The following FBXO39 variants were observed in gnomAD, a reference collection of about 807,000 sequenced individuals.
FBXO39 encodes F-box protein 39.
A neutral mutation model predicts 36.6 loss-of-function variants in FBXO39; 22 were observed. The observed-to-expected ratio is 0.60, with a 90% CI of 0.43 to 0.86. The LOEUF (loss-of-function observed/expected upper bound fraction) is 0.86. FBXO39 is among the 40% of genes least tolerant of loss of function. The pLI is 0.00. For synonymous variants in FBXO39, 206 were observed against 205.8 expected (o/e 1.00, Z -0.01); for missense variants, 536 against 543.9 (o/e 0.99, Z 0.14).
intron 2 of FBXO39, among the ~76,000 whole-genome samples, chr17:6,781,456 G>T (rs919772242): frequency 6.6e-6 from 1 of 152,188 alleles, no homozygotes; most frequent in South Asian, 2.1e-4. Flanking sequence ...GGATCATTTT[G>T]TCTTTCCAAG....
In FBXO39 at chr17:6,780,622, C is replaced by A; in HGVS notation, c.754C>A (p.Arg252=). ...CTTGTGTGAGAATGCCAGCACCCTC[C>A]GGACCATCAACATCAAATGCCACGT... ...ENLCENASTL[R]TINIKCHVHD... is the part of the protein sequence containing the mutation. The change falls in exon 2 of 4, where the codon CGG becomes AGG. Residue 252 remains arginine (R), a synonymous_variant. Coordinates refer to ENST00000321535, the MANE Select transcript of FBXO39 (RefSeq NM_153230.3). 6.2e-7 allele frequency: 1 copy of A among 1,614,064 alleles called. No individual in the cohort carries two copies. The highest frequency in any genetic ancestry group is 8.5e-7 in the Non-Finnish European group (1 of 1,180,024).
rs1203858534 is a variant in FBXO39, at chr17:6,787,538, A to AC, written c.*111dup. Reference sequence around the variant, plus strand: ...CCTTTTGCTCCTCTCTCTCCCCTCCACTTTTTTTTTTTGTCAGCTCCATGA... The same window carrying AC: ...CCTTTTGCTCCTCTCTCTCCCCTCCACCTTTTTTTTTTTGTCAGCTCCATGA... On this transcript the variant is annotated 3_prime_UTR_variant, in exon 4 of 4. Transcript: ENST00000321535. The AC allele has an allele frequency of 1.6e-4, 209 of 1,284,458 alleles. No homozygotes were observed. Among genetic ancestry groups the AC allele is most frequent in the Non-Finnish European group, 2.1e-4 (195 of 946,592 alleles). 79.6% of individuals were successfully genotyped at this position (1,284,458 alleles called of 1,614,324 possible).
rs748170024 is a variant in FBXO39 at position 6,787,251 on chromosome 17, T to TGCGCGC, written c.1201-48_1201-47insCGCGCG. On this transcript the variant is annotated intron_variant, in intron 3 of 3. Coordinates refer to ENST00000321535, the MANE Select transcript of FBXO39 (RefSeq NM_153230.3). ...GTGTGTGTGTGTATGTGTGTGTGTG[T>TGCGCGC]GTGCGTGTGTGCGTGCTCATATGTG... is the stretch of plus-strand genomic sequence containing the variant. The TGCGCGC allele has an allele frequency of 5.2e-4, 817 of 1,571,148 alleles. 1 individual carries two copies. In the East Asian group the frequency reaches 9.5e-3, roughly 18 times the overall value.
At chr17:6,779,633 G>A (rs1976478284) in intron 1 of FBXO39, among the ~76,000 whole-genome samples, 156 bp from the exon 2 acceptor site, 1 of 152,240 alleles carries the variant, frequency 6.6e-6, no homozygotes, top group South Asian at 2.1e-4. Flanking sequence ...GATAGACTGT[G>A]AAATCCTTGC....
Position 6,787,489 on chromosome 17 carries a change from G to T in FBXO39, c.*61G>T, listed in dbSNP as rs1976590975. 1 of 1,598,270 alleles carries T rather than the reference G, an allele frequency of 6.3e-7. No homozygotes were observed. ...TTGAACTTGAAAATCATTTCTCTTAGAACTACACTTGGGCACTGCCGGCCC... is the reference window on the plus strand; with the variant it reads ...TTGAACTTGAAAATCATTTCTCTTATAACTACACTTGGGCACTGCCGGCCC... On this transcript the variant is annotated 3_prime_UTR_variant, in exon 4 of 4. Transcript: ENST00000321535.
intron 1 of FBXO39, among the ~76,000 whole-genome samples, chr17:6,777,848 G>A (rs913454534): frequency 6.6e-6 from 1 of 152,226 alleles, no homozygotes; most frequent in African/African-American, 2.4e-5. Flanking sequence ...AGGGCGCCAC[G>A]TCATGGGCGG....
chr17:6,786,061 A>G (rs1001820255), intron 2 of FBXO39, among the ~76,000 whole-genome samples: 1 of 152,246 alleles, frequency 6.6e-6, no homozygotes, highest in Non-Finnish European at 1.5e-5. Flanking sequence ...TCTCATGTTT[A>G]TTGCAGCACT....
rs1976578221 is a variant in FBXO39, at chr17:6,786,815, A to G, written c.1059A>G (p.Ser353=). 6.2e-7 allele frequency: 1 copy of G among 1,612,254 alleles called. No homozygotes were observed. The change falls in exon 3 of 4, where the codon TCA becomes TCG. Residue 353 remains serine, a synonymous_variant. Coordinates refer to ENST00000321535, the MANE Select transcript of FBXO39 (RefSeq NM_153230.3). ...GTGAATTCAACAACAACCATGAGTC[A>G]CTCGACGAGGAGCTGCACCTCCTCA... ...LTCEFNNNHE[S]LDEELHLLII...
chr17:6,787,155 T>A (rs1976582111), intron 3 of FBXO39, 145 bp from the exon 4 acceptor site: 3 of 1,383,274 alleles, frequency 2.2e-6, no homozygotes, highest in Non-Finnish European at 2.9e-6. Context: ...GCCAACATAT[T>A]TTCCTGATTC....
In FBXO39 at chr17:6,779,781, C is replaced by A; in HGVS notation, c.-80-8C>A. The stretch of plus-strand genomic sequence containing the variant: ...CAGGTAATGGCTCTTCCTTTTTATT[C>A]CCCACAGAAAGCAAGTGATTGCTTT... On this transcript the variant is annotated splice_polypyrimidine_tract_variant and splice_region_variant and intron_variant, in intron 1 of 3. Transcript: ENST00000321535. 1 of 1,357,404 alleles carries A rather than the reference C, an allele frequency of 7.4e-7. No homozygotes were observed. Among genetic ancestry groups the A allele is most frequent in the Non-Finnish European group, 1.0e-6 (1 of 992,778 alleles). 84.1% of individuals were successfully genotyped at this position (1,357,404 alleles called of 1,614,324 possible). A position where few individuals can be genotyped will look rare whatever the true frequency, so the allele number is the denominator to read the frequency against.
At position 6,786,901 on chromosome 17, in the gene FBXO39, T is replaced by A; in HGVS notation, c.1145T>A (p.Val382Glu). The stretch of plus-strand genomic sequence containing the variant: ...TGGGCTTTCCTTGATGTTAGTTTTG[T>A]GGAGCGGATCCTGAAGAGTCAGAAA... ...KIWAFLDVSF[V>E]ERILKSQKER... Residue 382 changes from valine (V) to glutamate (E), a missense_variant, in exon 3 of 4, where the codon GTG becomes GAG. Transcript: ENST00000321535. 6.2e-7 allele frequency: 1 copy of A among 1,614,158 alleles called. No individual in the cohort carries two copies. Among genetic ancestry groups the A allele is most frequent in the Non-Finnish European group, 8.5e-7 (1 of 1,179,996 alleles).
At position 6,787,225 on chromosome 17, in the gene FBXO39, T is replaced by C; in HGVS notation, c.1201-75T>C. On this transcript the variant is annotated intron_variant, in intron 3 of 3. Transcript: ENST00000321535. ...CAAGCCCTGAAAAGTGTAGTCACCG[T>C]GTGTGTGTGTGTATGTGTGTGTGTG... 6 of 1,265,626 alleles carry C rather than the reference T, an allele frequency of 4.7e-6. No individual in the cohort carries two copies. The South Asian group carries it at 7.5e-5, about 16-fold the overall frequency. The allele number at this position is 1,265,626 out of a possible 1,614,324, so 78.4% of individuals were successfully genotyped here.
Position 6,780,365 on chromosome 17 carries a change from A to G in FBXO39, c.497A>G (p.Tyr166Cys), listed in dbSNP as rs16956264. ...FLKKMGKRLD[Y>C]LNLKGARLTV... ...AAGAAGATGGGCAAACGCCTGGATT[A>G]TCTCAACCTAAAAGGGGCCAGGCTG... Residue 166 changes from tyrosine to cysteine, a missense_variant, in exon 2 of 4, where the codon TAT becomes TGT. Tyr to Cys is a radical substitution (Grantham distance 194). Coordinates refer to ENST00000321535, the MANE Select transcript of FBXO39 (RefSeq NM_153230.3). The G allele has an allele frequency of 0.14, 231,476 of 1,613,950 alleles. 17,994 individuals carry two copies. The highest frequency in any genetic ancestry group is 0.22 in the Admixed American group (13,261 of 60,020).
intron 2 of FBXO39, 39 bp downstream of exon 2, chr17:6,780,930 A>T (rs781775142): frequency 1.3e-6 from 2 of 1,570,948 alleles, no homozygotes; most frequent in African/African-American, 1.3e-5. Context: ...TGTTCAGGTG[A>T]CTGGCTTCCC....
chr17:6,779,008 A>G (rs1410667331), intron 1 of FBXO39, among the ~76,000 whole-genome samples: 1 of 152,092 alleles, frequency 6.6e-6, no homozygotes, highest in African/African-American at 2.4e-5. Flanking sequence ...CAGACATTTG[A>G]CCAATCAACC....
rs1380562713 is a variant in FBXO39, at chr17:6,787,440, C to T, written c.*12C>T. 1 of 1,613,256 alleles carries T rather than the reference C, an allele frequency of 6.2e-7. No individual in the cohort carries two copies. ...ACTCTGTGATGTAATGAGCACTCTA[C>T]AGATGAAGAAAGCTGGGAGCACTTT... On this transcript the variant is annotated 3_prime_UTR_variant, in exon 4 of 4. Transcript: ENST00000321535.
Position 6,787,330 on chromosome 17 carries a change from AAT to A in FBXO39, c.1232_1233del (p.Asn411ArgfsTer22). ...AATTTATACAAACAGATATGAGACG[AAT>A]GAAGAGGACAAGACCCTGCAGGAAA... ...ARIYTNRYET[N>X]EEDKTLQEIY... On this transcript the variant is annotated frameshift_variant, in exon 4 of 4. Coordinates refer to ENST00000321535, the MANE Select transcript of FBXO39 (RefSeq NM_153230.3). LOFTEE classifies it high-confidence loss of function. 1 of 1,614,004 alleles carries A rather than the reference AAT, an allele frequency of 6.2e-7. No homozygotes were observed. Among genetic ancestry groups the A allele is most frequent in the Non-Finnish European group, 8.5e-7 (1 of 1,179,982 alleles).
chr17:6,777,298 C>T (rs1170336420), intron 1 of FBXO39, among the ~76,000 whole-genome samples: 4 of 152,180 alleles, frequency 2.6e-5, no homozygotes, highest in African/African-American at 9.6e-5. Context: ...TGTGATGTTC[C>T]TCTCCCTGTG....
chr17:6,777,212 T>TA (rs1976434946), intron 1 of FBXO39, among the ~76,000 whole-genome samples: 1 of 152,082 alleles, frequency 6.6e-6, no homozygotes, highest in African/African-American at 2.4e-5. Flanking sequence ...ATCTAGAATT[T>TA]AAGCCCCGCA....
Sources: allele counts gnomAD v4.1 joint callset (sites outside exome capture counted in the v4.1 genomes callset), GRCh38; gene constraint gnomAD v4.1.1; transcripts MANE v1.5; gene names NCBI Gene and HGNC (gene_info 2026-07-23, HGNC 2026-07-21).